Variants in LMTK2 observed in about 807,000 individuals in gnomAD.
LMTK2 encodes serine/threonine-protein kinase LMTK2.
A neutral mutation model predicts 127.5 loss-of-function variants in LMTK2; 37 were observed. The ratio of observed to expected loss-of-function variants is 0.29; its 90% CI spans 0.22 to 0.38. The LOEUF (loss-of-function observed/expected upper bound fraction) is 0.38. Ranked by LOEUF, LMTK2 falls within the 10% of genes least tolerant of loss-of-function variation. The probability of loss-of-function intolerance (pLI) is 1.00; values close to 1 mark genes in which losing one functional copy is unlikely to be tolerated. For synonymous variants in LMTK2, 819 were observed against 810.1 expected, an observed-to-expected ratio of 1.01 and a Z score of -0.19; for missense variants, 1,694 against 1,920.3, an observed-to-expected ratio of 0.88 and a Z score of 2.20.
At chr7:98,146,355 T>C (rs1796772518) in intron 3 of LMTK2, among the ~76,000 whole-genome samples, 1 of 152,180 alleles carries the variant, frequency 6.6e-6, no homozygotes, top group South Asian at 2.1e-4. Flanking sequence ...TTCCTATTTC[T>C]CTAAAACAGG....
intron 1 of LMTK2, among the ~76,000 whole-genome samples, chr7:98,110,456 T>G (rs1272327271): frequency 6.6e-6 from 1 of 152,126 alleles, no homozygotes; most frequent in East Asian, 1.9e-4. Flanking sequence ...TTATGTAGAC[T>G]AAGACTTGTT....
chr7:98,158,284 CGTT>C (rs1457674483), intron 5 of LMTK2, among the ~76,000 whole-genome samples: 1 of 152,036 alleles, frequency 6.6e-6, no homozygotes, highest in East Asian at 1.9e-4. Flanking sequence ...TTGTTGTTGT[CGTT>C]GTTTTGAAGC....
intron 7 of LMTK2, among the ~76,000 whole-genome samples, chr7:98,178,995 G>A (rs1797313034): frequency 1.3e-5 from 2 of 152,150 alleles, no homozygotes; most frequent in Admixed American, 1.3e-4. Flanking sequence ...GCATTGTGGA[G>A]CCTGGGCACT....
chr7:98,132,055 C>G (rs542712584), intron 1 of LMTK2, among the ~76,000 whole-genome samples: 1 of 152,262 alleles, frequency 6.6e-6, no homozygotes, highest in East Asian at 1.9e-4. Context: ...CCAGGCCTGC[C>G]GGGACCCTGT....
Position 98,193,815 on chromosome 7 carries a change from C to T in LMTK2, c.3350C>T (p.Ser1117Phe), listed in dbSNP as rs1342209034. ...AATGACTCTGAGCCCGAGAAAAGGT[C>T]TGAGGAGGTCCCGGGAACCTCCCCA... ...SDNDSEPEKR[S>F]EEVPGTSPSA... Residue 1117 changes from serine (S) to phenylalanine (F), a missense_variant, in exon 11 of 14, where the codon TCT becomes TTT. This residue lies in a region of LMTK2 where 554 missense variants were observed against 567.7 expected (regional missense o/e 0.98). Transcript: ENST00000297293. This position sits in a 1 kb window ranked among gnomAD's most constrained non-coding sequence, Gnocchi z 4.1. The T allele has an allele frequency of 6.2e-7, 1 of 1,613,958 alleles. No homozygotes were observed. The highest frequency in any genetic ancestry group is 1.3e-5 in the African/African-American group (1 of 74,888).
At chr7:98,115,586 G>C (rs1796268940) in intron 1 of LMTK2, among the ~76,000 whole-genome samples, 1 of 151,886 alleles carries the variant, frequency 6.6e-6, no homozygotes, top group Non-Finnish European at 1.5e-5. Flanking sequence ...GAGGCGGGCG[G>C]GTCACGAGGT....
chr7:98,173,306 GTT>G (rs34546502), intron 7 of LMTK2, among the ~76,000 whole-genome samples: 5 of 142,702 alleles, frequency 3.5e-5, no homozygotes, highest in East Asian at 4.0e-4. Flanking sequence ...CTGGTAAAGT[GTT>G]TTTTTTTTTT....
intron 1 of LMTK2, among the ~76,000 whole-genome samples, chr7:98,132,879 C>G (rs1318808257): frequency 6.6e-6 from 1 of 151,964 alleles, no homozygotes; most frequent in East Asian, 1.9e-4. Flanking sequence ...GATCGTGAAT[C>G]AGATAATTGG....
intron 9 of LMTK2, 147 bp from the exon 10 acceptor site, chr7:98,190,581 A>AAC (rs1562919681): frequency 3.5e-5 from 29 of 823,994 alleles, no homozygotes; most frequent in Non-Finnish European, 5.0e-5. Context: ...CTCTGTCTTA[A>AAC]AACAACAACA....
Position 98,194,345 on chromosome 7 carries a change from T to C in LMTK2, c.3880T>C (p.Ser1294Pro). Residue 1294 changes from serine to proline, a missense_variant, in exon 11 of 14, where the codon TCG becomes CCG. Physicochemically the swap from Ser to Pro is moderately conservative, Grantham distance 74. Transcript: ENST00000297293. The surrounding 1 kb of genome is among the most constrained non-coding windows in gnomAD (Gnocchi z 5.4). ...ADEEDENSDD[S>P]DEDLRAFNLH... ...CGAGGAGGACGAAAACAGCGACGAC[T>C]CGGACGAGGACCTGCGGGCCTTCAA... 6.2e-7 allele frequency: 1 copy of C among 1,614,048 alleles called. No individual in the cohort carries two copies. Among genetic ancestry groups the C allele is most frequent in the Non-Finnish European group, 8.5e-7 (1 of 1,179,984 alleles).
At chr7:98,189,148 G>C (rs1228733647) in intron 9 of LMTK2, among the ~76,000 whole-genome samples, 1 of 152,092 alleles carries the variant, frequency 6.6e-6, no homozygotes, top group Non-Finnish European at 1.5e-5. Context: ...TACTGCCTGT[G>C]AGGACCCCAG....
Position 98,139,152 on chromosome 7 carries a change from G to A in LMTK2, c.231+1710G>A, listed in dbSNP as rs116142233. ...TTCTTCTTTTCTTTTTTCAGACAGG[G>A]TCTCTCTCTGTCACCCAGGCTGGAT... On this transcript the variant is annotated intron_variant, in intron 2 of 13. Transcript: ENST00000297293. 2.2e-3 allele frequency among the ~76,000 whole-genome samples: 339 copies of A among 152,162 alleles called. 2 individuals are homozygous for A. The highest frequency in any genetic ancestry group is 0.01 in the Middle Eastern group (3 of 294).
intron 7 of LMTK2, among the ~76,000 whole-genome samples, chr7:98,179,050 C>CAA (rs1797313898): frequency 6.6e-6 from 1 of 152,224 alleles, no homozygotes; most frequent in Non-Finnish European, 1.5e-5. Context: ...TGTTTGCTTC[C>CAA]TCACCACCTC....
chr7:98,205,394 A>G, intron 13 of LMTK2, 70 bp from the exon 14 acceptor site: 1 of 1,581,512 alleles, frequency 6.3e-7, no homozygotes, highest in Non-Finnish European at 8.7e-7. Context: ...CGCACATGCC[A>G]TCCACGCCAT....
intron 1 of LMTK2, among the ~76,000 whole-genome samples, chr7:98,129,900 T>C (rs1796497952): frequency 6.6e-6 from 1 of 152,116 alleles, no homozygotes. Context: ...CCCATTCAGC[T>C]TGCAGCCTAG....
intron 10 of LMTK2, among the ~76,000 whole-genome samples, chr7:98,191,363 C>T (rs1797521311): frequency 6.6e-6 from 1 of 152,066 alleles, no homozygotes; most frequent in Non-Finnish European, 1.5e-5. Context: ...ACCAGCCTGG[C>T]CAACATGGTG....
intron 1 of LMTK2, among the ~76,000 whole-genome samples, chr7:98,132,417 A>AT (rs1464911851): frequency 1.3e-5 from 2 of 152,136 alleles, no homozygotes; most frequent in African/African-American, 2.4e-5. Context: ...CGCCTGGCTA[A>AT]TTTTTTGTAT....
chr7:98,150,211 G>A (rs551672026), intron 3 of LMTK2, among the ~76,000 whole-genome samples: 1 of 152,102 alleles, frequency 6.6e-6, no homozygotes, highest in East Asian at 1.9e-4. Flanking sequence ...GGGAGGCTGA[G>A]GCGGGAGAAT....
intron 6 of LMTK2, among the ~76,000 whole-genome samples, chr7:98,167,896 G>A (rs571016150): frequency 6.6e-5 from 10 of 152,246 alleles, no homozygotes; most frequent in Middle Eastern, 3.4e-3. Flanking sequence ...AAGAAGAAAC[G>A]CAGGAGGTTG....
Sources: gnomAD v4.1 joint callset for allele counts (sites outside exome capture counted in the v4.1 genomes callset) on GRCh38, gnomAD v4.1.1 for gene constraint, gnomAD v4.1.1 regional missense constraint, Gnocchi (gnomAD v3.1) non-coding constraint, MANE v1.5 for transcripts, NCBI Gene and HGNC (gene_info 2026-07-23, HGNC 2026-07-21) for gene names.